The following HMCN1 variants were observed in gnomAD, a reference collection of about 807,000 sequenced individuals.
HMCN1 encodes hemicentin-1.
Under a neutral mutation model 625.9 loss-of-function variants are expected in HMCN1, and 321 were observed. The ratio of observed to expected loss-of-function variants is 0.51; its 90% confidence interval spans 0.47 to 0.56. HMCN1 has a LOEUF of 0.56. Ranked by LOEUF, HMCN1 falls within the 20% of genes least tolerant of loss-of-function variation. HMCN1 has a pLI of 0.00. For missense variants in HMCN1, 6,588 were observed against 6,887.3 expected (o/e 0.96, Z 1.54); for synonymous variants, 2,425 against 2,417.6 (o/e 1.00, Z -0.09).
intron 90 of HMCN1, 70 bp from the exon 91 acceptor site, chr1:186,144,463 A>G: frequency 1.2e-6 from 2 of 1,610,984 alleles, no homozygotes; most frequent in Non-Finnish European, 1.7e-6. Flanking sequence ...TCTCAAACTA[A>G]CAATGCCCAG....
rs1665301492 is a variant in HMCN1, at chr1:185,893,797, A to G, written c.622-15540A>G. 2.6e-5 allele frequency among the ~76,000 whole-genome samples: 4 copies of G among 152,218 alleles called. No individual in the cohort carries two copies. The South Asian group carries it at 6.2e-4, about 24-fold the overall frequency. On this transcript the variant is annotated intron_variant, in intron 4 of 106. Transcript: ENST00000271588. ...TTTAAACTTTTCATTGAAGAATTAT[A>G]TACATACAGAAAAGTGCACATAAGC...
intron 11 of HMCN1, among the ~76,000 whole-genome samples, chr1:185,940,601 T>G (rs1488920544): frequency 6.6e-6 from 1 of 152,240 alleles, no homozygotes; most frequent in Non-Finnish European, 1.5e-5. Context: ...TCAAAGAATA[T>G]TATAGCACAC....
At chr1:186,144,380 A>G (rs1226132232) in intron 90 of HMCN1, 37 bp downstream of exon 90, 1 of 1,604,436 alleles carries the variant, frequency 6.2e-7, no homozygotes, top group East Asian at 2.2e-5. Context: ...TAATAAATTA[A>G]CATCTACCTA....
Position 185,975,115 on chromosome 1 carries a change from T to C in HMCN1, c.2372-2672T>C, listed in dbSNP as rs183616061. On this transcript the variant is annotated intron_variant, in intron 15 of 106. Transcript: ENST00000271588. The stretch of plus-strand genomic sequence containing the variant: ...CTGCCCATACTCTGAGGCTAACATA[T>C]CCAGAAACTTTTAAACTTAACTTCC... Among the ~76,000 whole-genome samples the C allele has an allele frequency of 1.7e-3, 254 of 152,268 alleles. 2 individuals carry two copies. The highest frequency in any genetic ancestry group is 5.5e-3 in the African/African-American group (229 of 41,566).
chr1:186,035,471 T>C (rs1184368344), intron 36 of HMCN1, among the ~76,000 whole-genome samples: 1 of 152,122 alleles, frequency 6.6e-6, no homozygotes, highest in Non-Finnish European at 1.5e-5. Flanking sequence ...TTTTGGTTTA[T>C]TGTGTTGGTC....
intron 89 of HMCN1, 40 bp from the exon 90 acceptor site, chr1:186,144,133 C>T (rs766588802): frequency 3.2e-5 from 50 of 1,540,576 alleles, no homozygotes; most frequent in South Asian, 8.9e-5. Context: ...TAAACAAACA[C>T]GGTTCTGTGA....
intron 4 of HMCN1, among the ~76,000 whole-genome samples, chr1:185,895,734 T>C (rs16824665): frequency 0.071 from 10,833 of 152,186 alleles, 1,351 homozygotes; most frequent in African/African-American, 0.25. Context: ...TACAACCAGG[T>C]AGTGATGGAG....
chr1:185,892,351 T>C (rs1438369067), intron 4 of HMCN1, among the ~76,000 whole-genome samples: 1 of 152,078 alleles, frequency 6.6e-6, no homozygotes, highest in African/African-American at 2.4e-5. Flanking sequence ...CCATTGCTGG[T>C]GAGGAGCTGC....
At chr1:186,028,140 ACT>A (rs1489633565) in intron 36 of HMCN1, among the ~76,000 whole-genome samples, 2 of 152,096 alleles carry the variant, frequency 1.3e-5, no homozygotes, top group Non-Finnish European at 2.9e-5. Context: ...GATTTGAAAG[ACT>A]CTACTCATGA....
chr1:186,066,842 G>A (rs1302274350), intron 49 of HMCN1, among the ~76,000 whole-genome samples: 1 of 152,028 alleles, frequency 6.6e-6, no homozygotes, highest in African/African-American at 2.4e-5. Flanking sequence ...TTCACTGCTT[G>A]TGTTACTCTA....
In HMCN1 at chr1:185,962,346, C is replaced by G. The variant is rs140480226; in HGVS notation, c.1829-172C>G. Among the ~76,000 whole-genome samples, 25 of 152,234 alleles carry G rather than the reference C, an allele frequency of 1.6e-4. No individual in the cohort carries two copies. In the East Asian group the frequency reaches 2.5e-3, roughly 15 times the overall value. On this transcript the variant is annotated intron_variant, in intron 11 of 106. Transcript: ENST00000271588. The stretch of plus-strand genomic sequence containing the variant: ...TTAACTTTCAAAGAGAGTTTACTTC[C>G]CTTGTTTTCATTACCATTGGTTTCT...
At position 186,087,651 on chromosome 1, in the gene HMCN1, TC is replaced by T; in HGVS notation, c.9363+7del. 6.2e-7 allele frequency: 1 copy of T among 1,612,164 alleles called. No individual in the cohort carries two copies. The highest frequency in any genetic ancestry group is 8.5e-7 in the Non-Finnish European group (1 of 1,178,550). ...TACACATTAAGAAAGCTGAGGTGCA[TC>T]TTTTATTCTTGTTTGAGTGTCATGA... On this transcript the variant is annotated splice_region_variant and intron_variant, in intron 60 of 106. Coordinates refer to ENST00000271588, the MANE Select transcript of HMCN1 (RefSeq NM_031935.3).
chr1:185,822,144 C>T (rs1267536591), intron 1 of HMCN1, among the ~76,000 whole-genome samples: 1 of 152,092 alleles, frequency 6.6e-6, no homozygotes, highest in Non-Finnish European at 1.5e-5. Flanking sequence ...TGTCACTATA[C>T]ATTTGTCCAA....
rs761712284 is a variant in HMCN1 at position 186,088,104 on chromosome 1, T to G, written c.9446-41T>G. ...TTAGCTTAATGAGGACAAATGATTT[T>G]CTTCTGTTTTTTTGTTTGTTTGTTT... On this transcript the variant is annotated intron_variant, in intron 61 of 106. Coordinates refer to ENST00000271588, the MANE Select transcript of HMCN1 (RefSeq NM_031935.3). The G allele has an allele frequency of 1.9e-6, 3 of 1,605,310 alleles. No homozygotes were observed. The South Asian group carries it at 3.3e-5, about 18-fold the overall frequency.
At chr1:186,057,104 AT>A (rs1657384047) in intron 45 of HMCN1, 129 bp from the exon 46 acceptor site, 2 of 757,750 alleles carry the variant, frequency 2.6e-6, no homozygotes, top group Non-Finnish European at 4.5e-6. Context: ...CTTACTATTA[AT>A]CAGAAAATGG....
Position 185,907,675 on chromosome 1 carries a change from C to T in HMCN1, c.622-1662C>T, listed in dbSNP as rs1264458827. Among the ~76,000 whole-genome samples the T allele has an allele frequency of 2.0e-5, 3 of 151,814 alleles. No homozygotes were observed. In the East Asian group the frequency reaches 5.8e-4, roughly 29 times the overall value. On this transcript the variant is annotated intron_variant, in intron 4 of 106. Coordinates refer to ENST00000271588, the MANE Select transcript of HMCN1 (RefSeq NM_031935.3). Reference sequence around the variant, plus strand: ...TCATAGTCAGATTACTTTACTTTGCCTGTGAAGCCATTGCTGAAACACTTC... The same window carrying T: ...TCATAGTCAGATTACTTTACTTTGCTTGTGAAGCCATTGCTGAAACACTTC...
In HMCN1 at chr1:185,734,663, C is replaced by T; in HGVS notation, c.-117C>T. The stretch of plus-strand genomic sequence containing the variant: ...CTCAGCGCCAAACTTTTTGCTAGTT[C>T]AGAGATTCCAAGAGTCTGATGAGTT... On this transcript the variant is annotated 5_prime_UTR_variant, in exon 1 of 107. Transcript: ENST00000271588. 1 of 1,032,092 alleles carries T rather than the reference C, an allele frequency of 9.7e-7. No individual in the cohort carries two copies. Among genetic ancestry groups the T allele is most frequent in the Non-Finnish European group, 1.5e-6 (1 of 670,870 alleles). 63.9% of individuals were successfully genotyped at this position (1,032,092 alleles called of 1,614,324 possible).
intron 51 of HMCN1, 112 bp downstream of exon 51, chr1:186,069,888 T>C (rs1658379656): frequency 1.4e-6 from 1 of 732,542 alleles, no homozygotes; most frequent in Non-Finnish European, 2.4e-6. Flanking sequence ...TAAAGACTTG[T>C]TTGTGCAGCT....
At chr1:185,860,657 T>A (rs1369340701) in intron 2 of HMCN1, among the ~76,000 whole-genome samples, 1 of 152,130 alleles carries the variant, frequency 6.6e-6, no homozygotes, top group Non-Finnish European at 1.5e-5. Context: ...CCTGGCTGCT[T>A]TGAGACTTTT....
Sources: gnomAD v4.1 joint callset for allele counts (sites outside exome capture counted in the v4.1 genomes callset) on GRCh38, gnomAD v4.1.1 for gene constraint, MANE v1.5 for transcripts, NCBI Gene and HGNC (gene_info 2026-07-23, HGNC 2026-07-21) for gene names.